Variants in RFX4 observed in about 807,000 individuals in gnomAD.
RFX4 encodes regulatory factor X4, also known as transcription factor RFX4.
In RFX4, 10 loss-of-function variants were observed where a neutral mutation model predicts 95.0. The observed-to-expected ratio is 0.11, with a 90% CI of 0.06 to 0.18. The LOEUF (loss-of-function observed/expected upper bound fraction) is 0.18, where lower values mean the gene tolerates loss of function less well. Among genes scored for constraint, RFX4 ranks in the 10% least tolerant of loss-of-function variants. RFX4 has a pLI of 1.00. For missense variants in RFX4, 640 were observed against 922.0 expected (o/e 0.69, Z 3.96); for synonymous variants, 321 against 340.7 (o/e 0.94, Z 0.64).
intron 2 of RFX4, among the ~76,000 whole-genome samples, chr12:106,620,621 T>C (rs1415020266): frequency 1.3e-5 from 2 of 151,966 alleles, no homozygotes; most frequent in African/African-American, 4.8e-5. Context: ...CTGATGAGGG[T>C]CTATGTTCAG....
chr12:106,711,552 A>G, intron 10 of RFX4, 41 bp downstream of exon 10: 1 of 1,571,538 alleles, frequency 6.4e-7, no homozygotes. Context: ...CTGCTGAGTC[A>G]TTGCAAATGA....
At chr12:106,585,253 G>A (rs969415225) in intron 1 of RFX4, among the ~76,000 whole-genome samples, 9 of 152,180 alleles carry the variant, frequency 5.9e-5, no homozygotes, top group Non-Finnish European at 1.0e-4. Context: ...GGAGGACTGT[G>A]GGGCTGTGGA....
Position 106,762,068 on chromosome 12 carries a change from C to G in RFX4, c.*599C>G, listed in dbSNP as rs2043215605. ...TCTAGATTTTCTGTCATACCCACAT[C>G]TGTCACAGTACCTGCATTGTCTTGG... On this transcript the variant is annotated 3_prime_UTR_variant, in exon 18 of 18. Transcript: ENST00000392842. The G allele has an allele frequency of 6.5e-6, 1 of 152,680 alleles. No homozygotes were observed. Among genetic ancestry groups the G allele is most frequent in the Admixed American group, 6.5e-5 (1 of 15,290 alleles). The allele number at this position is 152,680 out of a possible 1,614,324, so 9.5% of individuals were successfully genotyped here.
chr12:106,639,270 G>A, intron 2 of RFX4, 62 bp from the exon 3 acceptor site: 15 of 1,376,852 alleles, frequency 1.1e-5, no homozygotes, highest in Non-Finnish European at 1.4e-5. Context: ...AGAGTCGAGA[G>A]GACTTTTACT....
chr12:106,607,846 T>C (rs1045994644), intron 1 of RFX4, among the ~76,000 whole-genome samples: 2 of 151,978 alleles, frequency 1.3e-5, no homozygotes, highest in Non-Finnish European at 2.9e-5. Context: ...AATACATTGG[T>C]AGCCTTTGAA....
At chr12:106,727,065 C>T (rs992242590) in intron 13 of RFX4, among the ~76,000 whole-genome samples, 8 of 152,112 alleles carry the variant, frequency 5.3e-5, no homozygotes, top group African/African-American at 1.9e-4. Flanking sequence ...AGTCACCACA[C>T]CCAGCCTACA....
At chr12:106,710,863 G>A (rs1016898354) in intron 9 of RFX4, among the ~76,000 whole-genome samples, 1 of 152,194 alleles carries the variant, frequency 6.6e-6, no homozygotes, top group Non-Finnish European at 1.5e-5. Context: ...CAAATTATCA[G>A]CCTATTATGT....
chr12:106,719,325 C>T (rs1044920747), intron 11 of RFX4, among the ~76,000 whole-genome samples: 1 of 152,100 alleles, frequency 6.6e-6, no homozygotes, highest in Admixed American at 6.6e-5. Flanking sequence ...CAGTTGTGGT[C>T]CAGAAACATT....
At chr12:106,730,570 T>C (rs1407894051) in intron 13 of RFX4, among the ~76,000 whole-genome samples, 1 of 152,180 alleles carries the variant, frequency 6.6e-6, no homozygotes, top group Non-Finnish European at 1.5e-5. Flanking sequence ...AAGAAACATA[T>C]GTTCAGTGCT....
intron 13 of RFX4, among the ~76,000 whole-genome samples, chr12:106,724,423 T>C (rs1292615878): frequency 6.6e-6 from 1 of 152,212 alleles, no homozygotes; most frequent in Non-Finnish European, 1.5e-5. Context: ...TGGGCTCAGA[T>C]GCATGCCACA....
chr12:106,625,505 G>A (rs745710678), intron 2 of RFX4, among the ~76,000 whole-genome samples: 6 of 152,158 alleles, frequency 3.9e-5, no homozygotes, highest in Non-Finnish European at 8.8e-5. Flanking sequence ...CAGTAGATAT[G>A]TATGCTTCTC....
chr12:106,616,750 C>T (rs1021238538), intron 2 of RFX4, among the ~76,000 whole-genome samples: 2 of 151,858 alleles, frequency 1.3e-5, no homozygotes, highest in Non-Finnish European at 2.9e-5. Context: ...TCAAACTTTC[C>T]TTTTATTACT....
In RFX4 at chr12:106,664,664, C is replaced by A. The variant is rs138025414; in HGVS notation, c.315+10313C>A. On this transcript the variant is annotated intron_variant, in intron 4 of 17. Coordinates refer to ENST00000392842, the MANE Select transcript of RFX4 (RefSeq NM_213594.3). ...TAGATTATTGATTTTATATCTTTTC[C>A]AATATATGCATTCAGTGTGATAAAT... Among the ~76,000 whole-genome samples, 683 of 151,710 alleles carry A rather than the reference C, an allele frequency of 4.5e-3. 4 individuals carry two copies. Among genetic ancestry groups the A allele is most frequent in the African/African-American group, 0.016 (659 of 41,476 alleles).
At chr12:106,610,738 G>C (rs114724592) in intron 2 of RFX4, among the ~76,000 whole-genome samples, 2,035 of 152,264 alleles carry the variant, frequency 0.013, 54 homozygotes, top group African/African-American at 0.047. Flanking sequence ...AGTTGTTTCT[G>C]TCTTTTGGTC....
chr12:106,718,124 A>G (rs1004554518), intron 11 of RFX4, among the ~76,000 whole-genome samples: 4 of 152,204 alleles, frequency 2.6e-5, no homozygotes, highest in Admixed American at 2.0e-4. Flanking sequence ...CCCATGTCCA[A>G]GTTCTGTTGG....
At chr12:106,590,825 T>C (rs2039529028) in intron 1 of RFX4, among the ~76,000 whole-genome samples, 1 of 152,074 alleles carries the variant, frequency 6.6e-6, no homozygotes, top group African/African-American at 2.4e-5. Flanking sequence ...TGCATGCCTA[T>C]AGTTCCACCT....
intron 4 of RFX4, among the ~76,000 whole-genome samples, chr12:106,668,045 T>C (rs1324250766): frequency 6.6e-6 from 1 of 152,158 alleles, no homozygotes; most frequent in Non-Finnish European, 1.5e-5. Context: ...CCCCCATGCC[T>C]CAATAGTGGC....
At position 106,687,074 on chromosome 12, in the gene RFX4, C is replaced by T. The variant is rs1337878030; in HGVS notation, c.568C>T (p.Pro190Ser). The T allele has an allele frequency of 1.2e-6, 2 of 1,613,550 alleles. No homozygotes were observed. Among genetic ancestry groups the T allele is most frequent in the African/African-American group, 1.3e-5 (1 of 74,788 alleles). The change falls in exon 6 of 18, where the codon CCA (proline) becomes TCA (serine). Residue 190 changes from proline to serine, a missense_variant. Transcript: ENST00000392842. ...EFPNVKDLNLPASLPEEKVST... is the reference protein window; with the variant it reads ...EFPNVKDLNLSASLPEEKVST... ...TCCCAATGTCAAAGATCTAAATCTGCCAGCCAGCCTGCCTGAGGAGAAGGT... is the reference window on the plus strand; with the variant it reads ...TCCCAATGTCAAAGATCTAAATCTGTCAGCCAGCCTGCCTGAGGAGAAGGT...
At chr12:106,620,019 T>G (rs879501352) in intron 2 of RFX4, among the ~76,000 whole-genome samples, 4 of 152,210 alleles carry the variant, frequency 2.6e-5, no homozygotes, top group Admixed American at 2.0e-4. Context: ...TTTTTCTCTA[T>G]CTCCTCAAAC....
Sources: allele counts gnomAD v4.1 joint callset (sites outside exome capture counted in the v4.1 genomes callset), GRCh38; gene constraint gnomAD v4.1.1; transcripts MANE v1.5; gene names NCBI Gene and HGNC (gene_info 2026-07-23, HGNC 2026-07-21).